The following MAP3K10 variants were observed in gnomAD, a reference collection of about 807,000 sequenced individuals.
MAP3K10 encodes MKN28 derived nonreceptor_type serine/threonine kinase.
A neutral mutation model predicts 75.0 loss-of-function variants in MAP3K10; 22 were observed. The observed-to-expected ratio is 0.29, with a 90% CI of 0.21 to 0.42. The LOEUF is 0.42. Ranked by LOEUF, MAP3K10 falls within the 10% of genes least tolerant of loss-of-function variation. The probability of loss-of-function intolerance (pLI) is 1.00; values close to 1 mark genes in which losing one functional copy is unlikely to be tolerated. For synonymous variants in MAP3K10, 599 were observed against 612.9 expected (o/e 0.98, Z 0.34); for missense variants, 1,165 against 1,379.8 (o/e 0.84, Z 2.47).
rs753573209 is a variant in MAP3K10, at chr19:40,214,119, C to G, written c.2440C>G (p.His814Asp). 7.7e-6 allele frequency: 12 copies of G among 1,564,294 alleles called. No homozygotes were observed. The highest frequency in any genetic ancestry group is 2.4e-5 in the East Asian group (1 of 42,178). ...CCCCCGCCAGTCGCTCACGCCCACC[C>G]ACGTCACGGCTGCATGCGCTGTGAG... ...KDPRQSLTPT[H>D]VTAACAVSRG... The change falls in exon 9 of 10, where the codon CAC (histidine) becomes GAC (aspartate). Residue 814 changes from histidine to aspartate, a missense_variant. His to Asp is a moderately conservative substitution (Grantham distance 81, BLOSUM62 -1). This residue lies in a region of MAP3K10 where 590 missense variants were observed against 586.6 expected (regional missense o/e 1.01). Coordinates refer to ENST00000253055, the MANE Select transcript of MAP3K10 (RefSeq NM_002446.4).
In MAP3K10 at chr19:40,204,409, GACCA is replaced by G. The variant is rs1373858146; in HGVS notation, c.864-74_864-71del. 2 of 1,531,304 alleles carry G rather than the reference GACCA, an allele frequency of 1.3e-6. No individual in the cohort carries two copies. Among genetic ancestry groups the G allele is most frequent in the African/African-American group, 2.7e-5 (2 of 73,532 alleles). The allele number at this position is 1,531,304 out of a possible 1,614,324, so 94.9% of individuals were successfully genotyped here. A position where few individuals can be genotyped will look rare whatever the true frequency, so the allele number is the denominator to read the frequency against. On this transcript the variant is annotated intron_variant, in intron 2 of 9. Coordinates refer to ENST00000253055, the MANE Select transcript of MAP3K10 (RefSeq NM_002446.4). This position sits in a 1 kb window ranked among gnomAD's most constrained non-coding sequence, Gnocchi z 4.3. ...TTGGGGTGAGGGCAGCCCTGCATGG[GACCA>G]AGGGCAGGGCTGGGTATAGGTGAGG... is the stretch of plus-strand genomic sequence containing the variant.
Position 40,204,824 on chromosome 19 carries a change from G to A in MAP3K10, c.1012+191G>A. On this transcript the variant is annotated intron_variant, in intron 3 of 9. Coordinates refer to ENST00000253055, the MANE Select transcript of MAP3K10 (RefSeq NM_002446.4). The surrounding 1 kb of genome is among the most constrained non-coding windows in gnomAD (Gnocchi z 4.3). ...CCCCCACATCCCAGCCCTTGTTTGGGCCAGGCCCAGAGCTCTCAGGACAAC... is the reference window on the plus strand; with the variant it reads ...CCCCCACATCCCAGCCCTTGTTTGGACCAGGCCCAGAGCTCTCAGGACAAC... The A allele has an allele frequency of 1.4e-6, 1 of 715,708 alleles. No homozygotes were observed. Among genetic ancestry groups the A allele is most frequent in the Non-Finnish European group, 2.3e-6 (1 of 444,420 alleles). The allele number at this position is 715,708 out of a possible 1,614,324, so 44.3% of individuals were successfully genotyped here. A position where few individuals can be genotyped will look rare whatever the true frequency, so the allele number is the denominator to read the frequency against.
At position 40,213,063 on chromosome 19, in the gene MAP3K10, C is replaced by A. The variant is rs1355091863; in HGVS notation, c.1725-13C>A. On this transcript the variant is annotated splice_polypyrimidine_tract_variant and intron_variant, in intron 7 of 9. Transcript: ENST00000253055. The surrounding 1 kb of genome is among the most constrained non-coding windows in gnomAD (Gnocchi z 5.7). ...ACAGGACTGAGGTCTCCATCTCTCC[C>A]TGGACCCCGCAGGCTGAAGGGGCTG... 6.2e-7 allele frequency: 1 copy of A among 1,604,150 alleles called. No homozygotes were observed. Among genetic ancestry groups the A allele is most frequent in the Admixed American group, 1.7e-5 (1 of 58,564 alleles).
intron 1 of MAP3K10, among the ~76,000 whole-genome samples, chr19:40,193,709 C>T (rs1477244062): frequency 6.6e-6 from 1 of 152,178 alleles, no homozygotes; most frequent in African/African-American, 2.4e-5. Flanking sequence ...CTCTCCCATT[C>T]GTGCTGTGCC....
At chr19:40,199,144 C>A (rs1972971299) in intron 2 of MAP3K10, among the ~76,000 whole-genome samples, 1 of 152,152 alleles carries the variant, frequency 6.6e-6, no homozygotes, top group African/African-American at 2.4e-5. Context: ...GACACTAGCC[C>A]ATGCACTGTC....
Position 40,204,645 on chromosome 19 carries a change from C to T in MAP3K10, c.1012+12C>T, listed in dbSNP as rs754704268. 1.2e-6 allele frequency: 2 copies of T among 1,609,584 alleles called. No homozygotes were observed. The highest frequency in any genetic ancestry group is 1.7e-5 in the Admixed American group (1 of 59,914). Reference sequence around the variant, plus strand: ...CCGCCTCCTGGAGGGTGAGCCGGGGCCCCGTGACGAGGGTAGGCTCAGCTT... The same window carrying T: ...CCGCCTCCTGGAGGGTGAGCCGGGGTCCCGTGACGAGGGTAGGCTCAGCTT... On this transcript the variant is annotated intron_variant, in intron 3 of 9. Transcript: ENST00000253055. The surrounding 1 kb of genome is among the most constrained non-coding windows in gnomAD (Gnocchi z 4.3).
At position 40,213,215 on chromosome 19, in the gene MAP3K10, G is replaced by T; in HGVS notation, c.1837+27G>T. 1 of 1,538,122 alleles carries T rather than the reference G, an allele frequency of 6.5e-7. No individual in the cohort carries two copies. Among genetic ancestry groups the T allele is most frequent in the Non-Finnish European group, 8.8e-7 (1 of 1,141,026 alleles). On this transcript the variant is annotated intron_variant, in intron 8 of 9. Coordinates refer to ENST00000253055, the MANE Select transcript of MAP3K10 (RefSeq NM_002446.4). This position sits in a 1 kb window ranked among gnomAD's most constrained non-coding sequence, Gnocchi z 5.7. ...TAAGAGCCTGGGTTCTTGTAAGGGG[G>T]TGGGGGTTCCCTGGCCAAAGGGGTG... is the stretch of plus-strand genomic sequence containing the variant.
In MAP3K10 at chr19:40,192,062, G is replaced by A; in HGVS notation, c.31G>A (p.Glu11Lys). The A allele has an allele frequency of 1.4e-6, 2 of 1,469,890 alleles. No homozygotes were observed. The highest frequency in any genetic ancestry group is 1.4e-5 in the South Asian group (1 of 71,776). 91.1% of individuals were successfully genotyped at this position (1,469,890 alleles called of 1,614,324 possible). Residue 11 changes from glutamate to lysine, a missense_variant, in exon 1 of 10, where the codon GAG (glutamate) becomes AAG (lysine). Physicochemically the swap from Glu to Lys is moderately conservative, Grantham distance 56 (BLOSUM62 1). Transcript: ENST00000253055. The surrounding 1 kb of genome is among the most constrained non-coding windows in gnomAD (Gnocchi z 7.1). ...GGAGGAGGAGGGGGCGGTGGCCAAG[G>A]AGTGGGGCACGACCCCCGCGGGGCC... Reference protein sequence around the residue: MEEEEGAVAKEWGTTPAGPVW... With the variant: MEEEEGAVAKKWGTTPAGPVW...
At position 40,201,437 on chromosome 19, in the gene MAP3K10, C is replaced by A. The variant is rs949324081; in HGVS notation, c.863+2882C>A. Among the ~76,000 whole-genome samples, 31 of 151,192 alleles carry A rather than the reference C, an allele frequency of 2.1e-4. 1 individual carries two copies. Among genetic ancestry groups the A allele is most frequent in the African/African-American group, 7.5e-4 (31 of 41,128 alleles). ...CTTGATCTCTTGACCTCATGATCTG[C>A]CCACCTGGGCCTCCTAAAGTGCTGG... On this transcript the variant is annotated intron_variant, in intron 2 of 9. Coordinates refer to ENST00000253055, the MANE Select transcript of MAP3K10 (RefSeq NM_002446.4).
At chr19:40,209,604 G>A (rs1973196835) in intron 6 of MAP3K10, among the ~76,000 whole-genome samples, 1 of 151,594 alleles carries the variant, frequency 6.6e-6, no homozygotes, top group African/African-American at 2.4e-5. Flanking sequence ...AATAGAGATG[G>A]GGGTTTCACC....
In MAP3K10 at chr19:40,212,627, G is replaced by A. The variant is rs1412519838; in HGVS notation, c.1553-178G>A. On this transcript the variant is annotated intron_variant, in intron 6 of 9. Coordinates refer to ENST00000253055, the MANE Select transcript of MAP3K10 (RefSeq NM_002446.4). The surrounding 1 kb of genome is among the most constrained non-coding windows in gnomAD (Gnocchi z 4.2). ...TGCCAGGCGGAGGAGCTGGAACCTT[G>A]TCCTGACAGCAGTAGGGGGCTATGG... is the stretch of plus-strand genomic sequence containing the variant. 6.6e-6 allele frequency among the ~76,000 whole-genome samples: 1 copy of A among 152,170 alleles called. No individual in the cohort carries two copies. Among genetic ancestry groups the A allele is most frequent in the Non-Finnish European group, 1.5e-5 (1 of 68,028 alleles).
rs1271325808 is a variant in MAP3K10, at chr19:40,208,365, T to TTTTA, written c.1436-735_1436-734insATTT. Among the ~76,000 whole-genome samples, 19 of 130,156 alleles carry TTTTA rather than the reference T, an allele frequency of 1.5e-4. No individual in the cohort carries two copies. In the South Asian group the frequency reaches 1.7e-3, roughly 12 times the overall value. The allele number at this position is 130,156 out of a possible 152,430, so 85.4% of individuals were successfully genotyped here. A position where few individuals can be genotyped will look rare whatever the true frequency, so the allele number is the denominator to read the frequency against. On this transcript the variant is annotated intron_variant, in intron 5 of 9. Coordinates refer to ENST00000253055, the MANE Select transcript of MAP3K10 (RefSeq NM_002446.4). Reference sequence around the variant, plus strand: ...TCTTTCTTTTTTTTTTTTTTTTTTTTTTTTGTATTTTTAGTAGAGACAGGG... The same window carrying TTTTA: ...TCTTTCTTTTTTTTTTTTTTTTTTTTTTTATTTTGTATTTTTAGTAGAGACAGGG...
Position 40,212,610 on chromosome 19 carries a change from G to A in MAP3K10, c.1553-195G>A, listed in dbSNP as rs1036816182. ...CCGCTCATGGCCTTCAGTGCCAGGC[G>A]GAGGAGCTGGAACCTTGTCCTGACA... On this transcript the variant is annotated intron_variant, in intron 6 of 9. Coordinates refer to ENST00000253055, the MANE Select transcript of MAP3K10 (RefSeq NM_002446.4). This position sits in a 1 kb window ranked among gnomAD's most constrained non-coding sequence, Gnocchi z 4.2. Among the ~76,000 whole-genome samples, 1 of 152,226 alleles carries A rather than the reference G, an allele frequency of 6.6e-6. No homozygotes were observed.
chr19:40,212,671 G>A lies in MAP3K10; in HGVS notation c.1553-134G>A. Reference sequence around the variant, plus strand: ...GCTATGGGGAGATATATAGCAGGGAGGGTCATGACTGGAGTTCAAAAGAGC... The same window carrying A: ...GCTATGGGGAGATATATAGCAGGGAAGGTCATGACTGGAGTTCAAAAGAGC... On this transcript the variant is annotated intron_variant, in intron 6 of 9. Coordinates refer to ENST00000253055, the MANE Select transcript of MAP3K10 (RefSeq NM_002446.4). This position sits in a 1 kb window ranked among gnomAD's most constrained non-coding sequence, Gnocchi z 4.2. The A allele has an allele frequency of 9.3e-7, 1 of 1,080,862 alleles. No homozygotes were observed. Among genetic ancestry groups the A allele is most frequent in the Non-Finnish European group, 1.3e-6 (1 of 756,496 alleles). 67.0% of individuals were successfully genotyped at this position (1,080,862 alleles called of 1,614,324 possible). A position where few individuals can be genotyped will look rare whatever the true frequency, so the allele number is the denominator to read the frequency against.
intron 5 of MAP3K10, among the ~76,000 whole-genome samples, chr19:40,207,274 G>C (rs1192616783): frequency 6.6e-6 from 1 of 151,994 alleles, no homozygotes; most frequent in Non-Finnish European, 1.5e-5. Context: ...GCATTCAGGA[G>C]GGAGGCACGT....
At chr19:40,200,801 G>A (rs1043675216) in intron 2 of MAP3K10, among the ~76,000 whole-genome samples, 5 of 151,566 alleles carry the variant, frequency 3.3e-5, no homozygotes, top group Non-Finnish European at 7.4e-5. Flanking sequence ...GTGGAGACAG[G>A]GTTTCACCAT....
chr19:40,198,828 G>C lies in MAP3K10; in HGVS notation c.863+273G>C, dbSNP rs1972964950. ...CACACCTGTAATCCCAGCACTTTGG[G>C]AGGCCGAGGTGGGCGGATCACTTGA... On this transcript the variant is annotated intron_variant, in intron 2 of 9. Coordinates refer to ENST00000253055, the MANE Select transcript of MAP3K10 (RefSeq NM_002446.4). The surrounding 1 kb of genome is among the most constrained non-coding windows in gnomAD (Gnocchi z 4.3). Among the ~76,000 whole-genome samples, 1 of 152,276 alleles carries C rather than the reference G, an allele frequency of 6.6e-6. No homozygotes were observed. The highest frequency in any genetic ancestry group is 2.1e-4 in the South Asian group (1 of 4,836).
chr19:40,205,701 A>G lies in MAP3K10; in HGVS notation c.1189-210A>G. The G allele has an allele frequency of 1.8e-6, 1 of 545,482 alleles. No homozygotes were observed. The highest frequency in any genetic ancestry group is 3.0e-5 in the East Asian group (1 of 33,052). The allele number at this position is 545,482 out of a possible 1,614,324, so 33.8% of individuals were successfully genotyped here. ...ATTGAAGAGTTAAGAAAGAAAAAGAAAGAAAAAGCACCCCTTTCTTTGAGC... is the reference window on the plus strand; with the variant it reads ...ATTGAAGAGTTAAGAAAGAAAAAGAGAGAAAAAGCACCCCTTTCTTTGAGC... On this transcript the variant is annotated intron_variant, in intron 4 of 9. Transcript: ENST00000253055. The surrounding 1 kb of genome is among the most constrained non-coding windows in gnomAD (Gnocchi z 4.3).
chr19:40,212,990 T>C lies in MAP3K10; in HGVS notation c.1724+14T>C, dbSNP rs772702223. ...AGGAGAGGAGAGGTGAGGTGTGGTG[T>C]GGTCATGCCCACCCTGTGCCCAAGC... On this transcript the variant is annotated intron_variant, in intron 7 of 9. Coordinates refer to ENST00000253055, the MANE Select transcript of MAP3K10 (RefSeq NM_002446.4). This position sits in a 1 kb window ranked among gnomAD's most constrained non-coding sequence, Gnocchi z 4.2. 1 of 1,594,106 alleles carries C rather than the reference T, an allele frequency of 6.3e-7. No individual in the cohort carries two copies. The highest frequency in any genetic ancestry group is 1.7e-5 in the Admixed American group (1 of 58,828).
Sources: gnomAD v4.1 joint callset for allele counts (sites outside exome capture counted in the v4.1 genomes callset) on GRCh38, gnomAD v4.1.1 for gene constraint, gnomAD v4.1.1 regional missense constraint, Gnocchi (gnomAD v3.1) non-coding constraint, MANE v1.5 for transcripts, NCBI Gene and HGNC (gene_info 2026-07-23, HGNC 2026-07-21) for gene names.